Variants in LAMA1 observed in about 807,000 individuals in gnomAD.
The protein encoded by LAMA1 is laminin subunit alpha-1.
LAMA1 carries 219 observed loss-of-function variants against 348.7 expected under a neutral mutation model. That is an observed-to-expected ratio of 0.63 (90% CI 0.56 to 0.70). The LOEUF (loss-of-function observed/expected upper bound fraction) is 0.70. Among genes scored for constraint, LAMA1 ranks in the 30% least tolerant of loss-of-function variants. LAMA1 has a pLI of 0.00. For synonymous variants in LAMA1, 1,487 were observed against 1,491.0 expected (o/e 1.00, Z 0.06); for missense variants, 3,744 against 3,888.0 (o/e 0.96, Z 0.99).
intron 8 of LAMA1, chr18:7,042,808 G>A (rs988291601): frequency 1.8e-4 from 36 of 199,994 alleles, no homozygotes; most frequent in Admixed American, 1.1e-4. Context: ...GCTTGAACCC[G>A]GGAGGTGGAG....
intron 56 of LAMA1, 44 bp from the exon 57 acceptor site, chr18:6,955,509 G>C (rs777704890): frequency 1.4e-6 from 2 of 1,411,890 alleles, no homozygotes; most frequent in South Asian, 2.3e-5. Flanking sequence ...CCCGCAGCCC[G>C]AACCCCACTG....
At position 7,009,325 on chromosome 18, in the gene LAMA1, G is replaced by A; in HGVS notation, c.3915C>T (p.Val1305=). The change falls in exon 27 of 63, where the codon GTC becomes GTT. Residue 1305 remains valine, a synonymous_variant. Coordinates refer to ENST00000389658, the MANE Select transcript of LAMA1 (RefSeq NM_005559.4). ...KYFNSVSEKP[V]TREDFMSVLS... Reference sequence around the variant, plus strand: ...GGACAGACATAAAATCCTCTCGCGTGACAGGTTTTTCAGAAACAGAGTTAA... The same window carrying A: ...GGACAGACATAAAATCCTCTCGCGTAACAGGTTTTTCAGAAACAGAGTTAA... 3.1e-6 allele frequency: 5 copies of A among 1,614,092 alleles called. No individual in the cohort carries two copies. Among genetic ancestry groups the A allele is most frequent in the Non-Finnish European group, 3.4e-6 (4 of 1,179,972 alleles).
chr18:6,973,775 A>G (rs575297342), intron 46 of LAMA1, among the ~76,000 whole-genome samples: 19 of 152,230 alleles, frequency 1.2e-4, no homozygotes, highest in African/African-American at 4.3e-4. Context: ...TAAAAGTAAC[A>G]TTCTTTACTT....
At chr18:7,112,707 GCTCACCACAACTTC>G (rs2058340840) in intron 1 of LAMA1, among the ~76,000 whole-genome samples, 1 of 151,222 alleles carries the variant, frequency 6.6e-6, no homozygotes, top group African/African-American at 2.4e-5. Context: ...CACGATCTCG[GCTCACCACAACTTC>G]CGCCTCCAGG....
Position 7,012,012 on chromosome 18 carries a change from C to T in LAMA1, c.3490G>A (p.Asp1164Asn). ...GLSHLCSELEDYVRTPVTLGS... is the reference protein window; with the variant it reads ...GLSHLCSELENYVRTPVTLGS... ...TGACTTACTGGGGTCCTCACGTAGT[C>T]CTCCAGCTCTGAGCAGAGGTGGGAC... Residue 1164 changes from aspartate (D) to asparagine (N), a missense_variant, in exon 24 of 63, where the codon GAC becomes AAC. This residue lies in a region of LAMA1 where 1,529 missense variants were observed against 1,689.4 expected (regional missense o/e 0.91). Transcript: ENST00000389658. The T allele has an allele frequency of 6.2e-7, 1 of 1,608,392 alleles. No homozygotes were observed. The highest frequency in any genetic ancestry group is 2.2e-5 in the East Asian group (1 of 44,798).
rs1429417608 is a variant in LAMA1, at chr18:6,971,996, C to G, written c.6775-15G>C. 6.2e-7 allele frequency: 1 copy of G among 1,613,416 alleles called. No homozygotes were observed. The highest frequency in any genetic ancestry group is 1.7e-5 in the Admixed American group (1 of 60,010). ...GCAGGAGATTTCTAATGCAAACAAG[C>G]AAACAAACATAACCAATATATAAGC... On this transcript the variant is annotated splice_polypyrimidine_tract_variant and intron_variant, in intron 47 of 62. Coordinates refer to ENST00000389658, the MANE Select transcript of LAMA1 (RefSeq NM_005559.4).
rs773818069 is a variant in LAMA1 at position 7,074,967 on chromosome 18, CAAAAAAAAAAAAAAAAAAA to C, written c.345+4989_345+5007del. 5.7e-4 allele frequency among the ~76,000 whole-genome samples: 30 copies of C among 52,266 alleles called. 1 individual carries two copies. Among genetic ancestry groups the C allele is most frequent in the South Asian group, 2.1e-3 (3 of 1,462 alleles). The allele number at this position is 52,266 out of a possible 152,430, so 34.3% of individuals were successfully genotyped here. A position where few individuals can be genotyped will look rare whatever the true frequency, so the allele number is the denominator to read the frequency against. On this transcript the variant is annotated intron_variant, in intron 3 of 62. Transcript: ENST00000389658. ...GATAACCAAACCTAATACATAGAGGCAAAAAAAAAAAAAAAAAAAAAAAAAAAAAAAAAAAAATGCTGTA... is the reference window on the plus strand; with the variant it reads ...GATAACCAAACCTAATACATAGAGGCAAAAAAAAAAAAAAAAAATGCTGTA...
intron 1 of LAMA1, among the ~76,000 whole-genome samples, chr18:7,081,177 C>A (rs559497638): frequency 1.1e-3 from 168 of 152,038 alleles, no homozygotes; most frequent in Admixed American, 2.1e-3. Context: ...CAAAAAAAAA[C>A]CAAGGCGAGA....
chr18:6,975,857 TCG>T, intron 45 of LAMA1, 78 bp downstream of exon 45: 3 of 1,563,548 alleles, frequency 1.9e-6, no homozygotes, highest in African/African-American at 2.7e-5. Flanking sequence ...TATTTTTTTT[TCG>T]TCAAATAAGT....
At chr18:6,959,981 A>G in intron 53 of LAMA1, 1 of 226,008 alleles carries the variant, frequency 4.4e-6, no homozygotes, top group South Asian at 6.4e-5. Flanking sequence ...TTTATACACT[A>G]GAAGAATTGG....
At chr18:7,056,509 T>C (rs1230552262) in intron 3 of LAMA1, among the ~76,000 whole-genome samples, 2 of 152,144 alleles carry the variant, frequency 1.3e-5, no homozygotes, top group African/African-American at 4.8e-5. Flanking sequence ...TGGAAACTGA[T>C]GAAGAGAGAG....
intron 33 of LAMA1, 33 bp downstream of exon 33, chr18:6,997,706 CAAG>C (rs2144085946): frequency 6.2e-7 from 1 of 1,604,130 alleles, no homozygotes; most frequent in East Asian, 2.2e-5. Context: ...CTTAATGATA[CAAG>C]TGTCTGTTCA....
chr18:7,068,756 A>G (rs1032302016), intron 3 of LAMA1, among the ~76,000 whole-genome samples: 4 of 151,954 alleles, frequency 2.6e-5, no homozygotes. Flanking sequence ...AAAGATGGAA[A>G]TACTACAATC....
intron 9 of LAMA1, 121 bp from the exon 10 acceptor site, chr18:7,040,357 T>A (rs536798384): frequency 1.0e-6 from 1 of 977,146 alleles, no homozygotes; most frequent in African/African-American, 1.6e-5. Flanking sequence ...GGCCTCAGAG[T>A]CTCATTTGCA....
chr18:6,958,291 C>A (rs2057589817), intron 55 of LAMA1, among the ~76,000 whole-genome samples, 186 bp downstream of exon 55: 2 of 152,216 alleles, frequency 1.3e-5, no homozygotes, highest in South Asian at 4.2e-4. Flanking sequence ...CCAGATCTGT[C>A]TAACATTCTA....
intron 3 of LAMA1, among the ~76,000 whole-genome samples, chr18:7,068,431 T>C (rs2058132301): frequency 6.6e-6 from 1 of 152,256 alleles, no homozygotes; most frequent in Non-Finnish European, 1.5e-5. Flanking sequence ...CGATGAATCC[T>C]GAGATCCCAG....
intron 13 of LAMA1, among the ~76,000 whole-genome samples, chr18:7,035,702 C>T (rs893664865): frequency 2.6e-5 from 4 of 152,134 alleles, no homozygotes; most frequent in Non-Finnish European, 5.9e-5. Flanking sequence ...TAAGCATGAG[C>T]CACCAAGCCC....
chr18:7,102,288 T>C (rs998380633), intron 1 of LAMA1, among the ~76,000 whole-genome samples: 1 of 152,176 alleles, frequency 6.6e-6, no homozygotes, highest in Non-Finnish European at 1.5e-5. Flanking sequence ...AATCCATCTA[T>C]GACATAAATT....
chr18:6,961,812 C>G, intron 52 of LAMA1, 53 bp from the exon 53 acceptor site: 1 of 1,605,686 alleles, frequency 6.2e-7, no homozygotes, highest in East Asian at 2.2e-5. Flanking sequence ...GCGGCCAAAC[C>G]TTCCGTGGGG....
Sources: allele counts gnomAD v4.1 joint callset (sites outside exome capture counted in the v4.1 genomes callset), GRCh38; gene constraint gnomAD v4.1.1; regional missense constraint gnomAD v4.1.1; transcripts MANE v1.5; gene names NCBI Gene and HGNC (gene_info 2026-07-23, HGNC 2026-07-21).